Variants in LARGE1 observed in about 807,000 individuals in gnomAD.
LARGE1 encodes the protein xylosyl- and glucuronyltransferase LARGE1.
A neutral mutation model predicts 87.6 loss-of-function variants in LARGE1; 43 were observed. That is an observed-to-expected ratio of 0.49 (90% CI 0.38 to 0.63). LARGE1 has a LOEUF of 0.63. LARGE1 is among the 30% of genes least tolerant of loss of function. The probability of loss-of-function intolerance (pLI) is 0.00; values close to 1 mark genes in which losing one functional copy is unlikely to be tolerated. For missense variants in LARGE1, 802 were observed against 1,000.2 expected (o/e 0.80, Z 2.67); for synonymous variants, 434 against 394.6 (o/e 1.10, Z -1.18).
downstream of LARGE1, among the ~76,000 whole-genome samples, chr22:33,269,796 G>A (rs1179186481): frequency 6.6e-6 from 1 of 152,068 alleles, no homozygotes; most frequent in Non-Finnish European, 1.5e-5. Flanking sequence ...ATGAGGTCAG[G>A]AGATCGAGAC....
intron 1 of LARGE1, among the ~76,000 whole-genome samples, chr22:33,874,473 A>G (rs1052782930): frequency 1.3e-5 from 2 of 152,230 alleles, no homozygotes; most frequent in African/African-American, 4.8e-5. Context: ...GCTGAAACGG[A>G]GCAATTTGCT....
At position 33,187,600 on chromosome 22, in the gene LARGE1, T is replaced by C. The variant is rs116411953; in HGVS notation, c.1731-20768A>G. 2.4e-3 allele frequency among the ~76,000 whole-genome samples: 363 copies of C among 152,132 alleles called. 2 individuals are homozygous for C. Among genetic ancestry groups the C allele is most frequent in the African/African-American group, 8.4e-3 (347 of 41,526 alleles). On this transcript the variant is annotated intron_variant, in intron 11 of 11. Coordinates refer to the LARGE1 transcript ENST00000608642. ...TGTACAACATGGTGACTATAATTAA[T>C]AATGATGCACTGTAGTCTTAAGAAT... is the stretch of plus-strand genomic sequence containing the variant.
In LARGE1 at chr22:33,665,189, C is replaced by G. The variant is rs957162431; in HGVS notation, c.107-14521G>C. Among the ~76,000 whole-genome samples the G allele has an allele frequency of 2.0e-5, 3 of 152,324 alleles. No homozygotes were observed. In the South Asian group the frequency reaches 6.2e-4, roughly 32 times the overall value. On this transcript the variant is annotated intron_variant, in intron 2 of 14. Coordinates refer to ENST00000397394, the MANE Select transcript of LARGE1 (RefSeq NM_133642.5). ...CCCATCTCTGCCCATCCTGAGGCCA[C>G]AGTGTTTCTTTCACTCTGTCCCCTG... is the stretch of plus-strand genomic sequence containing the variant.
chr22:33,230,580 A>T (rs531680816), intron 11 of LARGE1, among the ~76,000 whole-genome samples: 1 of 152,336 alleles, frequency 6.6e-6, no homozygotes, highest in East Asian at 1.9e-4. Flanking sequence ...AATAAGTTTG[A>T]GCTGATTTTA....
At chr22:33,277,714 G>A (rs1269514913) in intron 13 of LARGE1, among the ~76,000 whole-genome samples, 1 of 152,238 alleles carries the variant, frequency 6.6e-6, no homozygotes, top group African/African-American at 2.4e-5. Context: ...CCGGCCTCCA[G>A]AATTGTGAGA....
At chr22:33,850,901 G>C (rs777820146) in intron 1 of LARGE1, among the ~76,000 whole-genome samples, 2 of 151,594 alleles carry the variant, frequency 1.3e-5, no homozygotes, top group Admixed American at 1.3e-4. Context: ...TAACCTAACC[G>C]GTCTTAAAAA....
At chr22:33,875,431 T>G (rs2064432808) in intron 1 of LARGE1, among the ~76,000 whole-genome samples, 1 of 152,144 alleles carries the variant, frequency 6.6e-6, no homozygotes, top group Admixed American at 6.5e-5. Flanking sequence ...TGGGGAACCA[T>G]GGGGGCAGAG....
chr22:33,544,996 C>T (rs980720060), intron 6 of LARGE1, among the ~76,000 whole-genome samples: 2 of 152,074 alleles, frequency 1.3e-5, no homozygotes, highest in Admixed American at 6.6e-5. Flanking sequence ...AAGGAAGAAA[C>T]GTATGCTGAG....
chr22:33,509,937 T>A (rs1188541244), intron 6 of LARGE1, among the ~76,000 whole-genome samples: 1 of 152,146 alleles, frequency 6.6e-6, no homozygotes, highest in Non-Finnish European at 1.5e-5. Context: ...TGGGAAAAAG[T>A]CTCGCCGCTC....
At chr22:33,389,268 T>C (rs1266797755) in intron 7 of LARGE1, among the ~76,000 whole-genome samples, 6 of 152,236 alleles carry the variant, frequency 3.9e-5, no homozygotes, top group Admixed American at 3.3e-4. Flanking sequence ...GAGCCTCGTA[T>C]CTATGCAACA....
At chr22:33,093,324 G>C in the LARGE1 span, among the ~76,000 whole-genome samples, 8 of 152,296 alleles carry the variant, frequency 5.3e-5, no homozygotes, top group East Asian at 1.5e-3. Context: ...CTCTGAAAAT[G>C]AACTGACAAT....
chr22:33,105,163 A>ATT, the LARGE1 span, among the ~76,000 whole-genome samples: 21,476 of 145,022 alleles, frequency 0.15, 1,996 homozygotes, highest in East Asian at 0.41. Flanking sequence ...AAGCCCCGCT[A>ATT]TTTTTTTTTT....
chr22:33,291,892 A>T (rs1222581275), intron 12 of LARGE1, among the ~76,000 whole-genome samples: 1 of 152,136 alleles, frequency 6.6e-6, no homozygotes. Flanking sequence ...CAGGGGTTAG[A>T]CACCAGCTTG....
rs140788588 is a variant in LARGE1, at chr22:33,741,371, T to C, written c.106+20000A>G. 3.9e-3 allele frequency among the ~76,000 whole-genome samples: 592 copies of C among 152,384 alleles called. 13 individuals carry two copies. Among genetic ancestry groups the C allele is most frequent in the Admixed American group, 0.033 (506 of 15,310 alleles). ...CCCACTAAGTGCAAAGCACAGGAGA[T>C]GGTTTAAAGAGGCCCAAAAGCCAGT... On this transcript the variant is annotated intron_variant, in intron 2 of 14. Coordinates refer to ENST00000397394, the MANE Select transcript of LARGE1 (RefSeq NM_133642.5).
intron 1 of LARGE1, among the ~76,000 whole-genome samples, chr22:33,825,781 T>G (rs150951756): frequency 0.015 from 2,217 of 152,274 alleles, 51 homozygotes; most frequent in African/African-American, 0.051. Flanking sequence ...CGAAGCCCAC[T>G]GTGGCTTTTT....
intron 11 of LARGE1, among the ~76,000 whole-genome samples, chr22:33,263,836 C>T (rs945942265): frequency 1.3e-5 from 2 of 152,248 alleles, no homozygotes; most frequent in South Asian, 4.1e-4. Flanking sequence ...GCCATTTCAT[C>T]TCCCATCAGG....
At chr22:33,260,867 T>G (rs1602163406) in intron 11 of LARGE1, among the ~76,000 whole-genome samples, 1 of 152,198 alleles carries the variant, frequency 6.6e-6, no homozygotes, top group African/African-American at 2.4e-5. Flanking sequence ...ATGAACTGCT[T>G]GGACCCAGCA....
In LARGE1 at chr22:33,600,164, G is replaced by A. The variant is rs114003893; in HGVS notation, c.615+4271C>T. Among the ~76,000 whole-genome samples the A allele has an allele frequency of 5.7e-3, 874 of 152,202 alleles. 8 individuals carry two copies. The highest frequency in any genetic ancestry group is 0.02 in the African/African-American group (830 of 41,506). On this transcript the variant is annotated intron_variant, in intron 5 of 14. Transcript: ENST00000397394. Reference sequence around the variant, plus strand: ...ACCGTGATAAAGAAACTCTGCCATCGGTTTTATTATTCTTAGGGACCCAGC... The same window carrying A: ...ACCGTGATAAAGAAACTCTGCCATCAGTTTTATTATTCTTAGGGACCCAGC...
intron 9 of LARGE1, among the ~76,000 whole-genome samples, chr22:33,358,565 A>G (rs1277865047): frequency 2.0e-5 from 3 of 152,154 alleles, no homozygotes; most frequent in African/African-American, 7.2e-5. Flanking sequence ...CTAAGAAGAT[A>G]TATCATTTCC....
Sources: allele counts gnomAD v4.1 joint callset (sites outside exome capture counted in the v4.1 genomes callset), GRCh38; gene constraint gnomAD v4.1.1; transcripts MANE v1.5; gene names NCBI Gene and HGNC (gene_info 2026-07-23, HGNC 2026-07-21).